LANCL1: variants seen among roughly 807,000 people sequenced by gnomAD.
The protein encoded by LANCL1 is LanC like glutathione S-transferase 1, also known as glutathione S-transferase LANCL1.
LANCL1 carries 50 observed loss-of-function variants against 50.6 expected under a neutral mutation model. The observed-to-expected ratio is 0.99, with a 90% CI of 0.79 to 1.25. LANCL1 has a LOEUF of 1.25. Ranked by LOEUF, LANCL1 falls within the 50% of genes most tolerant of loss-of-function variation. LANCL1 has a pLI of 0.00. For missense variants in LANCL1, 532 were observed against 480.7 expected (o/e 1.11, Z -1.00); for synonymous variants, 188 against 178.6 (o/e 1.05, Z -0.42).
chr2:210,455,154 T>A lies in LANCL1; in HGVS notation c.360A>T (p.Leu120=). The change falls in exon 4 of 10, where the codon CTA becomes CTT. Residue 120 remains leucine, a synonymous_variant. Coordinates refer to ENST00000450366, the MANE Select transcript of LANCL1 (RefSeq NM_006055.3). ...DAGPLAVAAV[L]YHKMNNEKQA... is the part of the protein sequence containing the mutation. Reference sequence around the variant, plus strand: ...GCTTCTCATTGTTCATCTTGTGATATAGCACAGCGGCCACTGCCAGGGGGC... The same window carrying A: ...GCTTCTCATTGTTCATCTTGTGATAAAGCACAGCGGCCACTGCCAGGGGGC... The A allele has an allele frequency of 6.2e-7, 1 of 1,613,798 alleles. No individual in the cohort carries two copies. The highest frequency in any genetic ancestry group is 8.5e-7 in the Non-Finnish European group (1 of 1,179,750).
At chr2:210,441,896 T>C (rs1329726322) in intron 4 of LANCL1, among the ~76,000 whole-genome samples, 3 of 148,704 alleles carry the variant, frequency 2.0e-5, no homozygotes, top group Non-Finnish European at 4.4e-5. Context: ...TCACAGTCAA[T>C]AATACATGTA....
intron 3 of LANCL1, among the ~76,000 whole-genome samples, chr2:210,471,127 A>G (rs1694211649): frequency 6.9e-6 from 1 of 145,606 alleles, no homozygotes; most frequent in Non-Finnish European, 1.5e-5. Context: ...TCTCACTGCA[A>G]TCTCCACCTC....
At position 210,431,303 on chromosome 2, in the gene LANCL1, A is replaced by T. The variant is rs987332611; in HGVS notation, c.*3184T>A. 2 of 152,234 alleles carry T rather than the reference A, an allele frequency of 1.3e-5. No homozygotes were observed. Among genetic ancestry groups the T allele is most frequent in the Non-Finnish European group, 2.9e-5 (2 of 68,044 alleles). 9.4% of individuals were successfully genotyped at this position (152,234 alleles called of 1,614,324 possible). ...ACTAGTAAGTCAAATACTTTACAGA[A>T]CATAGAAATACATATGATCCCAGCC... On this transcript the variant is annotated 3_prime_UTR_variant, in exon 10 of 10. Transcript: ENST00000450366.
At chr2:210,446,511 A>G (rs1423353356) in intron 4 of LANCL1, among the ~76,000 whole-genome samples, 1 of 152,160 alleles carries the variant, frequency 6.6e-6, no homozygotes, top group East Asian at 1.9e-4. Flanking sequence ...TGAATTTGAC[A>G]AATTGACGGA....
At position 210,440,673 on chromosome 2, in the gene LANCL1, C is replaced by A. The variant is rs1208649624; in HGVS notation, c.615G>T (p.Leu205=). 4 of 1,613,974 alleles carry A rather than the reference C, an allele frequency of 2.5e-6. No individual in the cohort carries two copies. Residue 205 remains leucine (L), a synonymous_variant, in exon 6 of 10, where the codon CTG becomes CTT. Transcript: ENST00000450366. ...RKRNFTAKSP[L]MYEWYQEYYV... ...AATATTCCTGGTACCATTCATACAT[C>A]AGTGGAGACTTTGCCGTGAAGTTTC...
At chr2:210,470,015 A>G (rs148041813) in intron 3 of LANCL1, among the ~76,000 whole-genome samples, 4 of 151,720 alleles carry the variant, frequency 2.6e-5, no homozygotes, top group Non-Finnish European at 4.4e-5. Flanking sequence ...AACTCCATAT[A>G]TATTAGAAAA....
intron 3 of LANCL1, among the ~76,000 whole-genome samples, chr2:210,459,457 C>G (rs1347671020): frequency 6.6e-6 from 1 of 152,078 alleles, no homozygotes; most frequent in Non-Finnish European, 1.5e-5. Flanking sequence ...TACCCTCTAA[C>G]CATAAATGTC....
chr2:210,449,112 T>C (rs962979093), intron 4 of LANCL1, among the ~76,000 whole-genome samples: 3 of 152,216 alleles, frequency 2.0e-5, no homozygotes, highest in African/African-American at 7.2e-5. Flanking sequence ...AGTAAAATAC[T>C]GGCAAACCAA....
At chr2:210,474,961 C>T (rs1441446747) in intron 2 of LANCL1, among the ~76,000 whole-genome samples, 1 of 152,068 alleles carries the variant, frequency 6.6e-6, no homozygotes, top group African/African-American at 2.4e-5. Flanking sequence ...GCCCAAATGG[C>T]CAAAGGGAAT....
At chr2:210,473,055 T>G (rs746594624) in intron 2 of LANCL1, among the ~76,000 whole-genome samples, 1 of 152,122 alleles carries the variant, frequency 6.6e-6, no homozygotes, top group Non-Finnish European at 1.5e-5. Context: ...ATTTTAAACT[T>G]CTGCACACAC....
At chr2:210,441,563 A>G in intron 4 of LANCL1, 120 bp from the exon 5 acceptor site, 1 of 723,580 alleles carries the variant, frequency 1.4e-6, no homozygotes, top group Non-Finnish European at 2.2e-6. Flanking sequence ...TACATATATA[A>G]TATCTATTTA....
intron 2 of LANCL1, among the ~76,000 whole-genome samples, chr2:210,473,394 C>T (rs1167626038): frequency 6.6e-6 from 1 of 152,102 alleles, no homozygotes; most frequent in East Asian, 1.9e-4. Context: ...ACAACAACAA[C>T]AACAAAAACC....
intron 4 of LANCL1, among the ~76,000 whole-genome samples, chr2:210,447,977 C>T (rs568948282): frequency 6.6e-6 from 1 of 152,088 alleles, no homozygotes; most frequent in Admixed American, 6.6e-5. Flanking sequence ...ATATTCACGA[C>T]TTAAACTCAG....
chr2:210,434,722 C>T (rs1049096103), intron 9 of LANCL1, among the ~76,000 whole-genome samples, 159 bp from the exon 10 acceptor site: 3 of 152,166 alleles, frequency 2.0e-5, no homozygotes, highest in South Asian at 2.1e-4. Flanking sequence ...GTGATGGCCT[C>T]GTCCCTAAGG....
intron 1 of LANCL1, 67 bp downstream of exon 1, chr2:210,476,553 G>T: frequency 7.2e-7 from 1 of 1,395,096 alleles, no homozygotes; most frequent in Non-Finnish European, 9.3e-7. Flanking sequence ...TGGACCTCGG[G>T]CCCACTGCGG....
At position 210,436,111 on chromosome 2, in the gene LANCL1, G is replaced by A. The variant is rs113429407; in HGVS notation, c.1050+105C>T. 5,327 of 951,168 alleles carry A rather than the reference G, an allele frequency of 5.6e-3. 183 individuals carry two copies. The African/African-American group carries it at 0.077, about 14-fold the overall frequency. 58.9% of individuals were successfully genotyped at this position (951,168 alleles called of 1,614,324 possible). A position where few individuals can be genotyped will look rare whatever the true frequency, so the allele number is the denominator to read the frequency against. ...AGACCATGTTAGCCAGGCTGGTCTC[G>A]AACTCCTGACCTCAGGTGATCCGCC... On this transcript the variant is annotated intron_variant, in intron 8 of 9. Transcript: ENST00000450366.
At chr2:210,477,540 T>C, upstream of LANCL1, 1 of 1,312,014 alleles carries the variant, frequency 7.6e-7, no homozygotes, top group Non-Finnish European at 9.7e-7. Flanking sequence ...TTCTCTCCGG[T>C]TTCAATGAAG....
chr2:210,450,388 T>A (rs774893636), intron 4 of LANCL1, among the ~76,000 whole-genome samples: 5 of 152,038 alleles, frequency 3.3e-5, no homozygotes, highest in Non-Finnish European at 5.9e-5. Context: ...AACCATAAAA[T>A]CACTAGAAGA....
At position 210,455,205 on chromosome 2, in the gene LANCL1, G is replaced by A. The variant is rs1574429415; in HGVS notation, c.309C>T (p.Ser103=). The change falls in exon 4 of 10, where the codon TCC becomes TCT. Residue 103 remains serine, a synonymous_variant. Coordinates refer to ENST00000450366, the MANE Select transcript of LANCL1 (RefSeq NM_006055.3). Reference sequence around the variant, plus strand: ...CTGCATCCCCACAAAGGAAGGTGATGGAGCGCTTGGTTAAGCAGTTCAGAC... The same window carrying A: ...CTGCATCCCCACAAAGGAAGGTGATAGAGCGCTTGGTTAAGCAGTTCAGAC... ...KQSLNCLTKR[S]ITFLCGDAGP... is the part of the protein sequence containing the mutation. 6.2e-7 allele frequency: 1 copy of A among 1,613,702 alleles called. No individual in the cohort carries two copies. Among genetic ancestry groups the A allele is most frequent in the Non-Finnish European group, 8.5e-7 (1 of 1,179,778 alleles).
Sources: gnomAD v4.1 joint callset for allele counts (sites outside exome capture counted in the v4.1 genomes callset) on GRCh38, gnomAD v4.1.1 for gene constraint, MANE v1.5 for transcripts, NCBI Gene and HGNC (gene_info 2026-07-23, HGNC 2026-07-21) for gene names.